DOCK5: variants seen among roughly 807,000 people sequenced by gnomAD.
The protein encoded by DOCK5 is dedicator of cytokinesis protein 5.
DOCK5 carries 142 observed loss-of-function variants against 251.8 expected under a neutral mutation model. The observed-to-expected ratio is 0.56, with a 90% CI of 0.49 to 0.65. DOCK5 has a LOEUF of 0.65. Among genes scored for constraint, DOCK5 ranks in the 30% least tolerant of loss-of-function variants. The pLI is 0.00. For synonymous variants in DOCK5, 842 were observed against 835.5 expected, an observed-to-expected ratio of 1.01 and a Z score of -0.13; for missense variants, 2,111 against 2,312.3, an observed-to-expected ratio of 0.91 and a Z score of 1.79.
intron 40 of DOCK5, among the ~76,000 whole-genome samples, chr8:25,384,001 T>C (rs1378979455): frequency 4.6e-5 from 7 of 152,224 alleles, no homozygotes; most frequent in Non-Finnish European, 1.0e-4. Context: ...TTAATCATAG[T>C]CACCAAAGAC....
intron 2 of DOCK5, among the ~76,000 whole-genome samples, chr8:25,244,652 G>A (rs1053563410): frequency 2.0e-5 from 3 of 152,178 alleles, no homozygotes; most frequent in African/African-American, 4.8e-5. Context: ...CGAGGACCCC[G>A]TGCAGGTTCC....
intron 2 of DOCK5, 135 bp downstream of exon 2, chr8:25,243,892 T>G (rs1366055213): frequency 2.4e-6 from 2 of 823,774 alleles, no homozygotes; most frequent in Admixed American, 2.3e-5. Flanking sequence ...AGGAAGTACT[T>G]GGGTGACACA....
At chr8:25,382,283 G>C (rs1360197089) in intron 39 of DOCK5, among the ~76,000 whole-genome samples, 2 of 152,182 alleles carry the variant, frequency 1.3e-5, no homozygotes, top group East Asian at 3.9e-4. Context: ...GGCCTTGGAA[G>C]GTTCTTTATC....
chr8:25,328,966 C>T lies in DOCK5; in HGVS notation c.1904-3285C>T, dbSNP rs181176414. ...CTTTCTTAAGCTCCTAAGTCGTGGA[C>T]TTGTATTTTGAAAGCAGCTCTTTGT... On this transcript the variant is annotated intron_variant, in intron 18 of 51. Coordinates refer to ENST00000276440, the MANE Select transcript of DOCK5 (RefSeq NM_024940.8). Among the ~76,000 whole-genome samples, 393 of 152,250 alleles carry T rather than the reference C, an allele frequency of 2.6e-3. 2 individuals carry two copies. Among genetic ancestry groups the T allele is most frequent in the African/African-American group, 8.4e-3 (348 of 41,562 alleles).
intron 1 of DOCK5, among the ~76,000 whole-genome samples, chr8:25,208,921 A>C (rs1802066112): frequency 1.3e-5 from 2 of 152,110 alleles, no homozygotes; most frequent in South Asian, 4.1e-4. Context: ...TTATTTTTTC[A>C]TTCTTTTTCA....
chr8:25,220,895 C>T (rs1208278432), intron 1 of DOCK5, among the ~76,000 whole-genome samples: 3 of 152,060 alleles, frequency 2.0e-5, no homozygotes, highest in Non-Finnish European at 2.9e-5. Context: ...CGAGCCACTG[C>T]GCCTGGCCTC....
At chr8:25,279,468 T>A (rs1242050870) in intron 5 of DOCK5, among the ~76,000 whole-genome samples, 1 of 151,190 alleles carries the variant, frequency 6.6e-6, no homozygotes, top group Non-Finnish European at 1.5e-5. Context: ...CTTTCCTTAA[T>A]GTTTTTTTTT....
chr8:25,347,006 C>T (rs1464532971), intron 26 of DOCK5, among the ~76,000 whole-genome samples: 8 of 152,130 alleles, frequency 5.3e-5, no homozygotes, highest in South Asian at 2.1e-4. Context: ...TTATAGTTAC[C>T]ACGTCTATGG....
intron 1 of DOCK5, among the ~76,000 whole-genome samples, chr8:25,215,341 G>T (rs762080222): frequency 2.2e-4 from 33 of 152,240 alleles, no homozygotes; most frequent in Middle Eastern, 3.4e-3. Flanking sequence ...GTAGGATGGG[G>T]GTGGGGGGAT....
At chr8:25,376,429 C>T in intron 37 of DOCK5, 2 of 939,966 alleles carry the variant, frequency 2.1e-6, no homozygotes, top group Non-Finnish European at 2.5e-6. Context: ...ATTGTATATG[C>T]TTTTACGTGG....
At chr8:25,271,839 G>A (rs1217177063) in intron 3 of DOCK5, among the ~76,000 whole-genome samples, 2 of 152,170 alleles carry the variant, frequency 1.3e-5, no homozygotes, top group Non-Finnish European at 2.9e-5. Context: ...CTTTCTGTGT[G>A]TCATCATGGC....
rs200398013 is a variant in DOCK5, at chr8:25,353,569, AT to A, written c.2850+1754del. Among the ~76,000 whole-genome samples the A allele has an allele frequency of 4.0e-3, 587 of 147,590 alleles. 7 individuals are homozygous for A. The highest frequency in any genetic ancestry group is 0.013 in the African/African-American group (531 of 40,518). On this transcript the variant is annotated intron_variant, in intron 27 of 51. Coordinates refer to ENST00000276440, the MANE Select transcript of DOCK5 (RefSeq NM_024940.8). The stretch of plus-strand genomic sequence containing the variant: ...GTCAGATTGTTGGCAAGGAAATACT[AT>A]TTTTTTTTTTACCAACAGAAAGAGG...
At chr8:25,333,955 A>G in intron 20 of DOCK5, 141 bp from the exon 21 acceptor site, 3 of 653,940 alleles carry the variant, frequency 4.6e-6, no homozygotes, top group East Asian at 5.2e-5. Flanking sequence ...AAGACTTGAC[A>G]TCAGCTCTGG....
intron 1 of DOCK5, among the ~76,000 whole-genome samples, chr8:25,227,401 C>A (rs555505917): frequency 6.7e-6 from 1 of 150,328 alleles, no homozygotes; most frequent in African/African-American, 2.5e-5. Context: ...GCCAATTATA[C>A]CCATGCTGTT....
chr8:25,334,119 A>G lies in DOCK5; in HGVS notation c.2115A>G (p.Gly705=), dbSNP rs752741570. Residue 705 remains glycine, a synonymous_variant, in exon 21 of 52, where the codon GGA becomes GGG. Transcript: ENST00000276440. The part of the protein sequence containing the change: ...DALVFIISLI[G]DIKFQHFNPV... ...AGGTATTTATTATTTCACTGATAGG[A>G]GACATCAAGTTCCAGCATTTTAATC... The G allele has an allele frequency of 1.9e-6, 3 of 1,613,774 alleles. No individual in the cohort carries two copies. In the East Asian group the frequency reaches 6.7e-5, roughly 36 times the overall value.
chr8:25,282,849 CAAAAAAAAAAAAAAAAAA>C lies in DOCK5; in HGVS notation c.321+4198_321+4215del, dbSNP rs56687628. 1.2e-3 allele frequency among the ~76,000 whole-genome samples: 46 copies of C among 39,596 alleles called. 1 individual carries two copies. The highest frequency in any genetic ancestry group is 1.8e-3 in the Non-Finnish European group (39 of 22,238). The allele number at this position is 39,596 out of a possible 152,430, so 26.0% of individuals were successfully genotyped here. On this transcript the variant is annotated intron_variant, in intron 5 of 51. Transcript: ENST00000276440. ...TGGGTGACACAGTAAGACCCTTTCT[CAAAAAAAAAAAAAAAAAA>C]AAAAAAAAAAAAAGATACCTGTGAT...
chr8:25,341,220 C>A (rs1195327649), intron 23 of DOCK5, among the ~76,000 whole-genome samples: 1 of 152,146 alleles, frequency 6.6e-6, no homozygotes, highest in Non-Finnish European at 1.5e-5. Flanking sequence ...AATTAGACAT[C>A]CCTTGAAAGG....
rs80068843 is a variant in DOCK5 at position 25,373,992 on chromosome 8, C to G, written c.3725+334C>G. 1.1e-3 allele frequency among the ~76,000 whole-genome samples: 167 copies of G among 152,308 alleles called. 1 individual carries two copies. The East Asian group carries it at 0.028, about 26-fold the overall frequency. The stretch of plus-strand genomic sequence containing the variant: ...AGTCTGCGAATCCCTGAACATGAAA[C>G]AAACTTGTACGTAACCAACGTGCAT... On this transcript the variant is annotated intron_variant, in intron 36 of 51. Coordinates refer to ENST00000276440, the MANE Select transcript of DOCK5 (RefSeq NM_024940.8).
At position 25,304,347 on chromosome 8, in the gene DOCK5, T is replaced by C. The variant is rs752401073; in HGVS notation, c.1049+20T>C. ...TCAGCAGTAAGTACTTTGGCATGTG[T>C]CCCAGGTGACTTGAGACCTGGATTA... On this transcript the variant is annotated intron_variant, in intron 11 of 51. Coordinates refer to ENST00000276440, the MANE Select transcript of DOCK5 (RefSeq NM_024940.8). 1.6e-5 allele frequency: 25 copies of C among 1,590,420 alleles called. No homozygotes were observed. Among genetic ancestry groups the C allele is most frequent in the Non-Finnish European group, 2.1e-5 (25 of 1,169,684 alleles).
Sources: allele counts gnomAD v4.1 joint callset (sites outside exome capture counted in the v4.1 genomes callset), GRCh38; gene constraint gnomAD v4.1.1; transcripts MANE v1.5; gene names NCBI Gene and HGNC (gene_info 2026-07-23, HGNC 2026-07-21).